Variants in TTN observed in about 807,000 individuals in gnomAD.
The protein encoded by TTN is connectin.
A neutral mutation model predicts 3,223.0 loss-of-function variants in TTN; 1,525 were observed. The observed-to-expected ratio is 0.47, with a 90% CI of 0.45 to 0.49. The LOEUF is 0.49. TTN is among the 20% of genes least tolerant of loss of function. TTN has a pLI of 0.00. For missense variants in TTN, 40,786 were observed against 43,424.0 expected (o/e 0.94, Z 5.40); for synonymous variants, 14,094 against 15,161.0 (o/e 0.93, Z 5.17).
Position 178,605,029 on chromosome 2 carries a change from G to C in TTN, c.54148C>G (p.Arg18050Gly), listed in dbSNP as rs55734111. 2.5e-6 allele frequency: 4 copies of C among 1,606,920 alleles called. No homozygotes were observed. Among genetic ancestry groups the C allele is most frequent in the Non-Finnish European group, 3.4e-6 (4 of 1,175,522 alleles). ...ACATTTCGGAACACTGAGCCAAGGC[G>C]ATTGGAAGCAGTAACTGTGTAAGTG... ...KGTYTVTASN[R>G]LGSVFRNVHV... The change falls in exon 280 of 363, where the codon CGC (arginine) becomes GGC (glycine). Residue 18050 changes from arginine (R) to glycine (G), a missense_variant. By Grantham distance (125) the Arg-to-Gly change is moderately radical. Coordinates refer to ENST00000589042, the MANE Select transcript of TTN (RefSeq NM_001267550.2).
chr2:178,718,970 G>T lies in TTN; in HGVS notation c.24230C>A (p.Pro8077Gln). ...ECSAVLTVQEPPSFEQTPDSV... is the reference protein window; with the variant it reads ...ECSAVLTVQEQPSFEQTPDSV... The stretch of plus-strand genomic sequence containing the variant: ...ATCAGGGGTTTGTTCAAAAGATGGT[G>T]GTTCTAGATATTGCAAGGCGGAAGG... The change falls in exon 84 of 363, where the codon CCA (proline) becomes CAA (glutamine). Residue 8077 changes from proline (P) to glutamine (Q), a missense_variant. By Grantham distance (76) the Pro-to-Gln change is moderately conservative. Transcript: ENST00000589042. 6.3e-7 allele frequency: 1 copy of T among 1,596,172 alleles called. No homozygotes were observed. Among genetic ancestry groups the T allele is most frequent in the African/African-American group, 1.3e-5 (1 of 74,400 alleles).
At chr2:178,644,367 G>T (rs1228622988) in intron 218 of TTN, 181 bp downstream of exon 218, 1 of 488,648 alleles carries the variant, frequency 2.0e-6, no homozygotes. Flanking sequence ...GAAATGGATG[G>T]GAGACAAAGG....
chr2:178,607,305 C>T lies in TTN; in HGVS notation c.53297G>A (p.Gly17766Asp). Residue 17766 changes from glycine (G) to aspartate (D), a missense_variant, in exon 278 of 363, where the codon GGT becomes GAT. Transcript: ENST00000589042. ...AARVEVFDVP[G>D]PVLDLKPVVT... is the part of the protein sequence containing the mutation. ...AACAGGTTTTAAGTCAAGAACTGGACCAGGGACATCTGAAAACAAAACAAA... is the reference window on the plus strand; with the variant it reads ...AACAGGTTTTAAGTCAAGAACTGGATCAGGGACATCTGAAAACAAAACAAA... 20 of 1,612,248 alleles carry T rather than the reference C, an allele frequency of 1.2e-5. No homozygotes were observed. Among genetic ancestry groups the T allele is most frequent in the Non-Finnish European group, 1.6e-5 (19 of 1,179,200 alleles).
rs777172309 is a variant in TTN at position 178,664,721 on chromosome 2, T to C, written c.36135A>G (p.Gln12045=). 3 of 1,612,490 alleles carry C rather than the reference T, an allele frequency of 1.9e-6. No homozygotes were observed. Among genetic ancestry groups the C allele is most frequent in the South Asian group, 2.2e-5 (2 of 91,076 alleles). ...PPSVKVPEAL[Q]EIVPEKKTLV... is the part of the protein sequence containing the mutation. ...GCGTTTTCTTTTCAGGGACAATTTC[T>C]TGGAGAGCTTCAGGCACTTTAAGAA... The change falls in exon 167 of 363, where the codon CAA becomes CAG. Residue 12045 remains glutamine, a synonymous_variant. Coordinates refer to ENST00000589042, the MANE Select transcript of TTN (RefSeq NM_001267550.2).
At chr2:178,761,892 C>T (rs530106968) in intron 43 of TTN, among the ~76,000 whole-genome samples, 1 of 152,334 alleles carries the variant, frequency 6.6e-6, no homozygotes, top group South Asian at 2.1e-4. Flanking sequence ...CTCCAAATGA[C>T]ACTGACTCAT....
intron 218 of TTN, among the ~76,000 whole-genome samples, chr2:178,643,363 T>G (rs2061493261): frequency 1.3e-5 from 2 of 151,958 alleles, no homozygotes; most frequent in Admixed American, 6.6e-5. Flanking sequence ...GAATAATCAT[T>G]TTTTTAATGT....
intron 297 of TTN, 42 bp downstream of exon 297, chr2:178,593,919 G>A (rs1217120579): frequency 6.2e-7 from 1 of 1,606,482 alleles, no homozygotes; most frequent in Non-Finnish European, 8.5e-7. Flanking sequence ...TTCTGCTTTT[G>A]AAAGAACAGA....
chr2:178,563,697 A>G lies in TTN; in HGVS notation c.82435T>C (p.Ser27479Pro), dbSNP rs1704559289. 1 of 1,613,674 alleles carries G rather than the reference A, an allele frequency of 6.2e-7. No homozygotes were observed. Among genetic ancestry groups the G allele is most frequent in the East Asian group, 2.2e-5 (1 of 44,838 alleles). Residue 27479 changes from serine to proline, a missense_variant, in exon 326 of 363, where the codon TCA becomes CCA. Transcript: ENST00000589042. The surrounding 1 kb of genome is among the most constrained non-coding windows in gnomAD (Gnocchi z 4.5). The part of the protein sequence containing the change: ...PPGPPSTPEV[S>P]AITKDSMVVT... ...ACCATAGAATCTTTGGTGATTGCTG[A>G]GACTTCAGGTGTTGAGGGAGGACCT...
chr2:178,639,097 A>G (rs549136439), intron 223 of TTN, among the ~76,000 whole-genome samples: 1 of 152,234 alleles, frequency 6.6e-6, no homozygotes, highest in South Asian at 2.1e-4. Context: ...ATTATTATTG[A>G]TCTAATTCCT....
At chr2:178,583,333 T>C in intron 312 of TTN, 106 bp from the exon 313 acceptor site, 4 of 1,112,916 alleles carry the variant, frequency 3.6e-6, no homozygotes, top group Non-Finnish European at 4.9e-6. Flanking sequence ...AGAATGGAAT[T>C]TTAGTGTTAT....
chr2:178,724,332 C>T lies in TTN; in HGVS notation c.21043G>A (p.Ala7015Thr), dbSNP rs779515185. ...LRILSVERQDAGTYTFQVQNN... is the reference protein window; with the variant it reads ...LRILSVERQDTGTYTFQVQNN... ...TGAACCTGGAAAGTGTATGTGCCTG[C>T]ATCTTGCCTTTCAACTGAGAGAATC... The change falls in exon 72 of 363, where the codon GCA becomes ACA. Residue 7015 changes from alanine (A) to threonine (T), a missense_variant. By Grantham distance (58) the Ala-to-Thr change is moderately conservative (BLOSUM62 0). Coordinates refer to ENST00000589042, the MANE Select transcript of TTN (RefSeq NM_001267550.2). 1 of 1,613,610 alleles carries T rather than the reference C, an allele frequency of 6.2e-7. No homozygotes were observed. Among genetic ancestry groups the T allele is most frequent in the East Asian group, 2.2e-5 (1 of 44,852 alleles).
Position 178,542,469 on chromosome 2 carries a change from A to G in TTN, c.97287T>C (p.Gly32429=), listed in dbSNP as rs755666486. Residue 32429 remains glycine (G), a synonymous_variant, in exon 349 of 363, where the codon GGT becomes GGC. Coordinates refer to ENST00000589042, the MANE Select transcript of TTN (RefSeq NM_001267550.2). ...ISWEPPELDG[G]APLSGYVVEQ... Reference sequence around the variant, plus strand: ...CTACCACATAACCACTCAGTGGAGCACCACCGTCCAATTCAGGTGGTTCCC... The same window carrying G: ...CTACCACATAACCACTCAGTGGAGCGCCACCGTCCAATTCAGGTGGTTCCC... 9.3e-6 allele frequency: 15 copies of G among 1,613,512 alleles called. No individual in the cohort carries two copies. The highest frequency in any genetic ancestry group is 1.3e-5 in the Non-Finnish European group (15 of 1,179,716).
chr2:178,614,372 G>GA (rs754485934), intron 261 of TTN, 24 bp from the exon 262 acceptor site: 133 of 1,568,450 alleles, frequency 8.5e-5, no homozygotes, highest in East Asian at 3.9e-4. Flanking sequence ...TACAGATGCA[G>GA]AAAAAAAAAT....
chr2:178,588,078 G>T lies in TTN; in HGVS notation c.63329C>A (p.Ala21110Glu). Reference protein sequence around the residue: ...VVEMRPKIADASPDEGWKRCN... With the variant: ...VVEMRPKIADESPDEGWKRCN... ...CCGTTTCCAGCCTTCATCAGGAGACGCATCTGCTATTTTTGGTCTCATTTC... is the reference window on the plus strand; with the variant it reads ...CCGTTTCCAGCCTTCATCAGGAGACTCATCTGCTATTTTTGGTCTCATTTC... Residue 21110 changes from alanine (A) to glutamate (E), a missense_variant, in exon 305 of 363, where the codon GCG (alanine) becomes GAG (glutamate). Physicochemically the swap from Ala to Glu is moderately radical, Grantham distance 107. Transcript: ENST00000589042. The T allele has an allele frequency of 1.2e-6, 2 of 1,612,854 alleles. No individual in the cohort carries two copies. The highest frequency in any genetic ancestry group is 1.7e-6 in the Non-Finnish European group (2 of 1,179,298).
At position 178,634,843 on chromosome 2, in the gene TTN, C is replaced by T; in HGVS notation, c.42031G>A (p.Glu14011Lys). 1 of 1,606,890 alleles carries T rather than the reference C, an allele frequency of 6.2e-7. No homozygotes were observed. Among genetic ancestry groups the T allele is most frequent in the East Asian group, 2.2e-5 (1 of 44,694 alleles). ...CGTTTTCCACCTTCTGCTTTGATTTCACAAGTCTGAAAAACAATAGTTTTA... is the reference window on the plus strand; with the variant it reads ...CGTTTTCCACCTTCTGCTTTGATTTTACAAGTCTGAAAAACAATAGTTTTA... The part of the protein sequence containing the change: ...GELLRPSPTC[E>K]IKAEGGKRFL... Residue 14011 changes from glutamate (E) to lysine (K), a missense_variant, in exon 229 of 363, where the codon GAA becomes AAA. Glu to Lys is a moderately conservative substitution (Grantham distance 56, BLOSUM62 1). Transcript: ENST00000589042. The surrounding 1 kb of genome is among the most constrained non-coding windows in gnomAD (Gnocchi z 4.6).
intron 35 of TTN, 39 bp downstream of exon 35, chr2:178,770,373 T>A (rs1248963110): frequency 6.2e-7 from 1 of 1,614,048 alleles, no homozygotes; most frequent in South Asian, 1.1e-5. Context: ...ATGGTAACCA[T>A]GGGCTGACTG....
In TTN at chr2:178,718,209, A is replaced by T. The variant is rs768252647; in HGVS notation, c.24797T>A (p.Phe8266Tyr). 11 of 1,600,700 alleles carry T rather than the reference A, an allele frequency of 6.9e-6. No individual in the cohort carries two copies. The highest frequency in any genetic ancestry group is 7.6e-6 in the Non-Finnish European group (9 of 1,176,606). Residue 8266 changes from phenylalanine to tyrosine, a missense_variant, in exon 86 of 363, where the codon TTT (phenylalanine) becomes TAT (tyrosine). Transcript: ENST00000589042. The stretch of plus-strand genomic sequence containing the variant: ...TTCCACATGTTCCAGAGGTTCAATA[A>T]AGTACGGTGGTTCTATGGTACAAAG... The part of the protein sequence containing the change: ...ALVSVLEPPY[F>Y]IEPLEHVEAV...
intron 50 of TTN, among the ~76,000 whole-genome samples, 169 bp downstream of exon 50, chr2:178,735,342 G>A (rs773484124): frequency 4.6e-5 from 7 of 152,072 alleles, no homozygotes; most frequent in Non-Finnish European, 8.8e-5. Flanking sequence ...CTTTGAAGAG[G>A]ATTAAAAAAA....
In TTN at chr2:178,682,812, T is replaced by C; in HGVS notation, c.32979A>G (p.Glu10993=). The part of the protein sequence containing the change: ...VQREEEYEEY[E]EYDYKEFEEY... ...CCTCAAATTCTTTATAATCATATTC[T>C]TCATATTCCTCATATTCTTCTTCCC... The change falls in exon 135 of 363, where the codon GAA becomes GAG. Residue 10993 remains glutamate, a synonymous_variant. Transcript: ENST00000589042. 5.0e-6 allele frequency: 8 copies of C among 1,612,436 alleles called. No individual in the cohort carries two copies. Among genetic ancestry groups the C allele is most frequent in the Non-Finnish European group, 6.8e-6 (8 of 1,179,100 alleles).
Sources: gnomAD v4.1 joint callset for allele counts (sites outside exome capture counted in the v4.1 genomes callset) on GRCh38, gnomAD v4.1.1 for gene constraint, Gnocchi (gnomAD v3.1) non-coding constraint, MANE v1.5 for transcripts, NCBI Gene and HGNC (gene_info 2026-07-23, HGNC 2026-07-21) for gene names.